MYH15: variants seen among roughly 807,000 people sequenced by gnomAD.
MYH15 encodes the protein myosin heavy chain 15.
Under a neutral mutation model 240.5 loss-of-function variants are expected in MYH15, and 227 were observed. The ratio of observed to expected loss-of-function variants is 0.94; its 90% CI spans 0.85 to 1.05. The LOEUF is 1.05. Among genes scored for constraint, MYH15 ranks in the 50% least tolerant of loss-of-function variants. The probability of loss-of-function intolerance (pLI) is 0.00; values close to 1 mark genes in which losing one functional copy is unlikely to be tolerated. For missense variants in MYH15, 2,217 were observed against 2,247.5 expected (o/e 0.99, Z 0.27); for synonymous variants, 785 against 796.7 (o/e 0.99, Z 0.25).
rs535827379 is a variant in MYH15 at position 108,431,589 on chromosome 3, C to T, written c.3222-667G>A. Among the ~76,000 whole-genome samples, 4 of 152,248 alleles carry T rather than the reference C, an allele frequency of 2.6e-5. No homozygotes were observed. In the South Asian group the frequency reaches 8.3e-4, roughly 32 times the overall value. ...AAACCCTTTTTCCTGTATAAATTACCCAGTCTCAGGTAACTTTTTTATCAG... is the reference window on the plus strand; with the variant it reads ...AAACCCTTTTTCCTGTATAAATTACTCAGTCTCAGGTAACTTTTTTATCAG... On this transcript the variant is annotated intron_variant, in intron 25 of 40. Coordinates refer to ENST00000693548, the MANE Select transcript of MYH15 (RefSeq NM_014981.3).
At chr3:108,381,670 A>G in intron 40 of MYH15, 111 bp from the exon 41 acceptor site, 1 of 1,167,988 alleles carries the variant, frequency 8.6e-7, no homozygotes, top group Non-Finnish European at 1.3e-6. Context: ...GCCTTAGCCA[A>G]CTCTTCATTA....
chr3:108,421,513 C>T (rs149394911), intron 27 of MYH15, among the ~76,000 whole-genome samples: 167 of 152,296 alleles, frequency 1.1e-3, no homozygotes, highest in African/African-American at 3.4e-3. Context: ...ACATGTCAAA[C>T]GCTAATGAGA....
Position 108,428,348 on chromosome 3 carries a change from T to C in MYH15, c.3702+144A>G, listed in dbSNP as rs537829960. The C allele has an allele frequency of 4.9e-6, 5 of 1,011,354 alleles. No individual in the cohort carries two copies. The African/African-American group carries it at 8.1e-5, about 16-fold the overall frequency. 62.6% of individuals were successfully genotyped at this position (1,011,354 alleles called of 1,614,324 possible). A position where few individuals can be genotyped will look rare whatever the true frequency, so the allele number is the denominator to read the frequency against. ...ATGACCACTAAGGTCAGGCCTGATC[T>C]ATTCCGTCCAAAGGACTATAGTCTT... is the stretch of plus-strand genomic sequence containing the variant. On this transcript the variant is annotated intron_variant, in intron 27 of 40. Coordinates refer to ENST00000693548, the MANE Select transcript of MYH15 (RefSeq NM_014981.3).
chr3:108,490,173 G>A (rs965463630), intron 9 of MYH15, among the ~76,000 whole-genome samples: 4 of 152,192 alleles, frequency 2.6e-5, no homozygotes, highest in African/African-American at 7.2e-5. Flanking sequence ...AGGTTGAGGT[G>A]GAGAGAAGGT....
chr3:108,437,529 T>C, intron 25 of MYH15, 25 bp downstream of exon 25: 2 of 1,604,912 alleles, frequency 1.2e-6, no homozygotes, highest in Non-Finnish European at 1.7e-6. Context: ...TCCAGCAATC[T>C]CATGTCAACA....
At chr3:108,515,204 G>A (rs755774917), upstream of MYH15, among the ~76,000 whole-genome samples, 1 of 152,090 alleles carries the variant, frequency 6.6e-6, no homozygotes, top group Non-Finnish European at 1.5e-5. Flanking sequence ...GTATCCCCCT[G>A]GAATACAGAT....
the MYH15 span, among the ~76,000 whole-genome samples, chr3:108,547,193 G>A: frequency 2.6e-5 from 4 of 151,896 alleles, no homozygotes; most frequent in South Asian, 4.2e-4. Context: ...TTGTGGAGAC[G>A]TGTGTCACTT....
intron 33 of MYH15, among the ~76,000 whole-genome samples, chr3:108,399,816 C>T (rs2107541444): frequency 6.6e-6 from 1 of 152,276 alleles, no homozygotes; most frequent in African/African-American, 2.4e-5. Flanking sequence ...TTTGAGAGTA[C>T]ACCCAAGGAT....
chr3:108,545,894 TCTC>T, the MYH15 span, among the ~76,000 whole-genome samples: 2 of 152,122 alleles, frequency 1.3e-5, no homozygotes, highest in African/African-American at 2.4e-5. Context: ...GATTAACCAA[TCTC>T]CTATTACTGT....
chr3:108,494,051 G>C (rs1464634483), intron 7 of MYH15, among the ~76,000 whole-genome samples: 1 of 152,224 alleles, frequency 6.6e-6, no homozygotes, highest in Non-Finnish European at 1.5e-5. Flanking sequence ...GCACCATCTG[G>C]TGGCAGCTAG....
rs1465638015 is a variant in MYH15 at position 108,470,776 on chromosome 3, G to C, written c.1305C>G (p.Ile435Met). 1.9e-6 allele frequency: 3 copies of C among 1,613,736 alleles called. No individual in the cohort carries two copies. The highest frequency in any genetic ancestry group is 2.2e-5 in the East Asian group (1 of 44,858). ...ACAGCTTGGCATCCAGGGCCCTGTT[G>C]ATCCGTGCCACTAGCCACTTAAACA... ...ERMFKWLVAR[I>M]NRALDAKLSR... Residue 435 changes from isoleucine (I) to methionine (M), a missense_variant, in exon 13 of 41, where the codon ATC (isoleucine) becomes ATG (methionine). Transcript: ENST00000693548.
At chr3:108,411,940 A>G (rs1429732997) in intron 30 of MYH15, among the ~76,000 whole-genome samples, 1 of 152,258 alleles carries the variant, frequency 6.6e-6, no homozygotes, top group East Asian at 1.9e-4. Flanking sequence ...CTTCCTAGCC[A>G]TACTCACTTC....
At chr3:108,437,438 T>C (rs2082848501) in intron 25 of MYH15, 116 bp downstream of exon 25, 1 of 1,331,776 alleles carries the variant, frequency 7.5e-7, no homozygotes, top group Non-Finnish European at 1.0e-6. Context: ...CTTGTTATCC[T>C]TGCCTTGGGT....
intron 30 of MYH15, 132 bp downstream of exon 30, chr3:108,414,100 G>A (rs1392583213): frequency 1.2e-6 from 1 of 854,270 alleles, no homozygotes; most frequent in Non-Finnish European, 1.8e-6. Context: ...TTTCAGCTTT[G>A]GTTTTGGGCT....
intron 11 of MYH15, among the ~76,000 whole-genome samples, chr3:108,477,811 AG>A (rs1156458734): frequency 1.3e-5 from 2 of 152,184 alleles, no homozygotes. Context: ...CATTTCCTCA[AG>A]AAGTGGAGAA....
rs1560351037 is a variant in MYH15, at chr3:108,427,657, A to AAAG, written c.3702+834_3702+835insCTT. On this transcript the variant is annotated intron_variant, in intron 27 of 40. Transcript: ENST00000693548. ...ACACAGAGAGAGAGAGAGAGAGAGA[A>AAAG]AGAGAGAGAGAGAGACTGTTTCTTT... Among the ~76,000 whole-genome samples the AAAG allele has an allele frequency of 2.0e-3, 226 of 111,254 alleles. 1 individual carries two copies. Among genetic ancestry groups the AAAG allele is most frequent in the African/African-American group, 6.2e-3 (208 of 33,446 alleles). The allele number at this position is 111,254 out of a possible 152,430, so 73.0% of individuals were successfully genotyped here. A position where few individuals can be genotyped will look rare whatever the true frequency, so the allele number is the denominator to read the frequency against.
At chr3:108,495,952 T>C (rs1227016361) in intron 6 of MYH15, 80 bp from the exon 7 acceptor site, 78 of 1,041,544 alleles carry the variant, frequency 7.5e-5, no homozygotes, top group Non-Finnish European at 1.0e-4. Context: ...CATCTCCAGG[T>C]CAAACCCCAT....
chr3:108,467,219 T>C (rs988762385), intron 14 of MYH15, among the ~76,000 whole-genome samples: 1 of 151,536 alleles, frequency 6.6e-6, no homozygotes, highest in Non-Finnish European at 1.5e-5. Flanking sequence ...AAACAAAATG[T>C]AAGAGTTGCC....
At chr3:108,405,491 C>G in intron 32 of MYH15, 38 bp from the exon 33 acceptor site, 1 of 1,295,170 alleles carries the variant, frequency 7.7e-7, no homozygotes, top group Non-Finnish European at 1.1e-6. Flanking sequence ...ATGAAGTCCA[C>G]TTTTAGACAA....
Sources: gnomAD v4.1 joint callset for allele counts (sites outside exome capture counted in the v4.1 genomes callset) on GRCh38, gnomAD v4.1.1 for gene constraint, MANE v1.5 for transcripts, NCBI Gene and HGNC (gene_info 2026-07-23, HGNC 2026-07-21) for gene names.